The following PSMD13 variants were observed in gnomAD, a reference collection of about 807,000 sequenced individuals.
PSMD13 encodes proteasome 26S subunit, non-ATPase 13.
A neutral mutation model predicts 57.4 loss-of-function variants in PSMD13; 8 were observed. The ratio of observed to expected loss-of-function variants is 0.14; its 90% CI spans 0.08 to 0.25. The LOEUF (loss-of-function observed/expected upper bound fraction) is 0.25. PSMD13 is among the 10% of genes least tolerant of loss of function. The probability of loss-of-function intolerance (pLI) is 1.00; values close to 1 mark genes in which losing one functional copy is unlikely to be tolerated. For synonymous variants in PSMD13, 193 were observed against 168.2 expected (o/e 1.15, Z -1.14); for missense variants, 400 against 461.5 (o/e 0.87, Z 1.22).
At chr11:241,721 T>C (rs1275693221) in intron 2 of PSMD13, among the ~76,000 whole-genome samples, 2 of 152,172 alleles carry the variant, frequency 1.3e-5, no homozygotes, top group South Asian at 2.1e-4. Flanking sequence ...TCTCAAATTA[T>C]TCATCCATCC....
intron 2 of PSMD13, among the ~76,000 whole-genome samples, chr11:239,374 A>C (rs977504227): frequency 1.3e-5 from 2 of 152,224 alleles, no homozygotes; most frequent in Non-Finnish European, 2.9e-5. Flanking sequence ...TTGAAATTCT[A>C]GCATAAAGTA....
chr11:245,714 G>A (rs1349807779), intron 6 of PSMD13, among the ~76,000 whole-genome samples: 3 of 92,828 alleles, frequency 3.2e-5, no homozygotes, highest in Admixed American at 1.1e-4. Context: ...GTGTGTGTTT[G>A]TGTGTGTGTG....
intron 1 of PSMD13, among the ~76,000 whole-genome samples, 195 bp from the exon 2 acceptor site, chr11:238,803 C>CCAGTGGT (rs1404291990): frequency 2.0e-5 from 3 of 152,156 alleles, no homozygotes; most frequent in Admixed American, 6.5e-5. Flanking sequence ...CTGAGATGCT[C>CCAGTGGT]CAGTGGTCAT....
chr11:249,123 C>A, intron 9 of PSMD13, 66 bp downstream of exon 9: 1 of 1,589,886 alleles, frequency 6.3e-7, no homozygotes, highest in South Asian at 1.1e-5. Flanking sequence ...AACAGATGTT[C>A]ATTGAGCGTC....
intron 4 of PSMD13, 96 bp downstream of exon 4, chr11:244,312 TTA>T: frequency 6.3e-7 from 1 of 1,579,574 alleles, no homozygotes; most frequent in Non-Finnish European, 8.6e-7. Context: ...GTATCAGATA[TTA>T]TGTTTTTATT....
chr11:247,649 T>C lies in PSMD13; in HGVS notation c.568+201T>C, dbSNP rs1278692524. The C allele has an allele frequency of 1.1e-5, 5 of 472,766 alleles. No individual in the cohort carries two copies. In the East Asian group the frequency reaches 1.7e-4, roughly 16 times the overall value. 29.3% of individuals were successfully genotyped at this position (472,766 alleles called of 1,614,324 possible). On this transcript the variant is annotated intron_variant, in intron 7 of 12. Transcript: ENST00000532097. ...GAGTTCGAGACCAGCCTGGCCAACA[T>C]GGTGAAACCCTGTCTCTACTAAAAA...
chr11:250,922 G>A, intron 10 of PSMD13, 57 bp downstream of exon 10: 1 of 1,463,882 alleles, frequency 6.8e-7, no homozygotes, highest in Non-Finnish European at 9.5e-7. Context: ...GTCAGGTGGG[G>A]GCGCTGCACT....
chr11:244,552 A>G (rs2272566), intron 5 of PSMD13, 83 bp downstream of exon 5: 868,328 of 1,536,258 alleles, frequency 0.57, 251,671 homozygotes, highest in East Asian at 0.83. Context: ...CTCACTGTCC[A>G]GACCTTTAGA....
chr11:250,733 C>T, intron 9 of PSMD13, 70 bp from the exon 10 acceptor site: 1 of 1,443,600 alleles, frequency 6.9e-7, no homozygotes, highest in Non-Finnish European at 9.7e-7. Context: ...GAACGAATTC[C>T]AGATCCCCAG....
In PSMD13 at chr11:251,389, T is replaced by A; in HGVS notation, c.838-157T>A. On this transcript the variant is annotated intron_variant, in intron 10 of 12. Coordinates refer to ENST00000532097, the MANE Select transcript of PSMD13 (RefSeq NM_002817.4). The surrounding 1 kb of genome is among the most constrained non-coding windows in gnomAD (Gnocchi z 4.6). ...TCTTATCTAAGCATTAAAAGCTTGTTCTTAACAAGATATATGTCTAATATT... is the reference window on the plus strand; with the variant it reads ...TCTTATCTAAGCATTAAAAGCTTGTACTTAACAAGATATATGTCTAATATT... 1 of 654,044 alleles carries A rather than the reference T, an allele frequency of 1.5e-6. No homozygotes were observed. 40.5% of individuals were successfully genotyped at this position (654,044 alleles called of 1,614,324 possible).
rs1859758085 is a variant in PSMD13, at chr11:251,123, T to C, written c.837+258T>C. 1 of 507,164 alleles carries C rather than the reference T, an allele frequency of 2.0e-6. No individual in the cohort carries two copies. The highest frequency in any genetic ancestry group is 3.3e-5 in the Admixed American group (1 of 30,316). 31.4% of individuals were successfully genotyped at this position (507,164 alleles called of 1,614,324 possible). On this transcript the variant is annotated intron_variant, in intron 10 of 12. Coordinates refer to ENST00000532097, the MANE Select transcript of PSMD13 (RefSeq NM_002817.4). The surrounding 1 kb of genome is among the most constrained non-coding windows in gnomAD (Gnocchi z 4.6). ...CCTTCCCTGACCATCTGAACTGAGA[T>C]GAAGTAGCTGCCCCTCTCCCCGTGA...
intron 1 of PSMD13, among the ~76,000 whole-genome samples, chr11:238,109 G>T (rs1212078564): frequency 6.6e-6 from 1 of 152,186 alleles, no homozygotes; most frequent in African/African-American, 2.4e-5. Flanking sequence ...TTTGGGTTTT[G>T]GATGAAGCGC....
chr11:241,232 CA>C (rs1446013463), intron 2 of PSMD13, among the ~76,000 whole-genome samples: 13 of 152,012 alleles, frequency 8.6e-5, no homozygotes. Flanking sequence ...TCCGTCTCCC[CA>C]GTTCAAGCCA....
chr11:242,568 CA>C (rs35448214), intron 2 of PSMD13, among the ~76,000 whole-genome samples: 73,330 of 151,400 alleles, frequency 0.48, 19,548 homozygotes, highest in African/African-American at 0.72. Flanking sequence ...CGTTGAATGT[CA>C]AAAAAAATCT....
chr11:238,070 C>A (rs1617221), intron 1 of PSMD13, among the ~76,000 whole-genome samples: 1 of 152,212 alleles, frequency 6.6e-6, no homozygotes, highest in Non-Finnish European at 1.5e-5. Context: ...ATTTTCAAAG[C>A]ATTTTATCTG....
intron 1 of PSMD13, 24 bp downstream of exon 1, chr11:237,168 T>TGGGCCCC (rs1859280060): frequency 1.3e-6 from 2 of 1,594,528 alleles, no homozygotes; most frequent in Middle Eastern, 1.8e-4. Flanking sequence ...AGACGGGCCC[T>TGGGCCCC]GGGCCCCGGC....
At chr11:242,592 A>G (rs1017461463) in intron 2 of PSMD13, among the ~76,000 whole-genome samples, 1 of 152,098 alleles carries the variant, frequency 6.6e-6, no homozygotes, top group Non-Finnish European at 1.5e-5. Context: ...TATACTCCAT[A>G]AAATTGAGAT....
chr11:237,830 T>G (rs1335607520), intron 1 of PSMD13, among the ~76,000 whole-genome samples: 1 of 152,244 alleles, frequency 6.6e-6, no homozygotes, highest in Non-Finnish European at 1.5e-5. Flanking sequence ...TAACCTCCTT[T>G]TAATATGAGT....
At chr11:244,257 G>T (rs965797861) in intron 4 of PSMD13, 41 bp downstream of exon 4, 1 of 1,597,742 alleles carries the variant, frequency 6.3e-7, no homozygotes, top group Non-Finnish European at 8.5e-7. Context: ...GATCCAAATG[G>T]TGGTTAAAAT....
Sources: allele counts gnomAD v4.1 joint callset (sites outside exome capture counted in the v4.1 genomes callset), GRCh38; gene constraint gnomAD v4.1.1; non-coding constraint Gnocchi (gnomAD v3.1); transcripts MANE v1.5; gene names NCBI Gene and HGNC (gene_info 2026-07-23, HGNC 2026-07-21).